Variants in CEBPG observed in about 807,000 individuals in gnomAD.
The protein encoded by CEBPG is CCAAT enhancer binding protein gamma.
In CEBPG, 6 loss-of-function variants were observed where a neutral mutation model predicts 11.1. The ratio of observed to expected loss-of-function variants is 0.54; its 90% confidence interval spans 0.30 to 1.07. The LOEUF is 1.07. Ranked by LOEUF, CEBPG falls within the 50% of genes least tolerant of loss-of-function variation. The probability of loss-of-function intolerance (pLI) is 0.07; values close to 1 mark genes in which losing one functional copy is unlikely to be tolerated. For synonymous variants in CEBPG, 66 were observed against 71.0 expected, an observed-to-expected ratio of 0.93 and a Z score of 0.36; for missense variants, 161 against 187.4, an observed-to-expected ratio of 0.86 and a Z score of 0.82.
chr19:33,375,158 G>C (rs530804605), intron 1 of CEBPG, among the ~76,000 whole-genome samples: 2 of 152,210 alleles, frequency 1.3e-5, no homozygotes, highest in African/African-American at 4.8e-5. Flanking sequence ...TTTAATACCT[G>C]CTTTTAAAAA....
chr19:33,379,803 C>T lies in CEBPG; in HGVS notation c.*111C>T. 1.0e-6 allele frequency: 1 copy of T among 972,150 alleles called. No individual in the cohort carries two copies. The highest frequency in any genetic ancestry group is 1.8e-5 in the South Asian group (1 of 55,658). The allele number at this position is 972,150 out of a possible 1,614,324, so 60.2% of individuals were successfully genotyped here. A position where few individuals can be genotyped will look rare whatever the true frequency, so the allele number is the denominator to read the frequency against. On this transcript the variant is annotated 3_prime_UTR_variant, in exon 2 of 2. Transcript: ENST00000284000. ...TGTCCATTTCCATGACTCAAAGACCCATTGGAGGCTATTTTCTGGGATCAG... is the reference window on the plus strand; with the variant it reads ...TGTCCATTTCCATGACTCAAAGACCTATTGGAGGCTATTTTCTGGGATCAG...
At chr19:33,376,559 AT>A (rs1156341495) in intron 1 of CEBPG, among the ~76,000 whole-genome samples, 3 of 152,190 alleles carry the variant, frequency 2.0e-5, no homozygotes, top group Non-Finnish European at 4.4e-5. Context: ...GAGAAGTTAC[AT>A]TTCTAAAGAG....
intron 1 of CEBPG, among the ~76,000 whole-genome samples, chr19:33,376,332 G>A (rs1445975188): frequency 2.6e-5 from 4 of 152,156 alleles, no homozygotes; most frequent in African/African-American, 9.7e-5. Context: ...AACATTCTGC[G>A]CTTTCAGTGT....
chr19:33,378,438 T>TATGTC (rs1256441345), intron 1 of CEBPG, among the ~76,000 whole-genome samples: 1 of 152,018 alleles, frequency 6.6e-6, no homozygotes, highest in African/African-American at 2.4e-5. Flanking sequence ...TTTTACTAAT[T>TATGTC]ATGTCAAGAA....
In CEBPG at chr19:33,381,843, A is replaced by G. The variant is rs192926319; in HGVS notation, c.*2151A>G. ...TGGAAAAATGGGTTCAAGCTTTCCTATTAGCCATGGAAATGCAAAGTTTAG... is the reference window on the plus strand; with the variant it reads ...TGGAAAAATGGGTTCAAGCTTTCCTGTTAGCCATGGAAATGCAAAGTTTAG... On this transcript the variant is annotated 3_prime_UTR_variant, in exon 2 of 2. Transcript: ENST00000284000. 6.0e-6 allele frequency: 1 copy of G among 167,262 alleles called. No homozygotes were observed. The highest frequency in any genetic ancestry group is 6.5e-5 in the Admixed American group (1 of 15,312). 10.4% of individuals were successfully genotyped at this position (167,262 alleles called of 1,614,324 possible).
intron 1 of CEBPG, 125 bp downstream of exon 1, chr19:33,374,020 C>T (rs959274170): frequency 4.0e-5 from 6 of 149,174 alleles, no homozygotes; most frequent in African/African-American, 1.5e-4. Flanking sequence ...CCCGCTGGCC[C>T]GGGAAGGCCA....
chr19:33,377,920 T>C (rs1005878055), intron 1 of CEBPG, among the ~76,000 whole-genome samples: 10 of 152,252 alleles, frequency 6.6e-5, no homozygotes, highest in Admixed American at 5.9e-4. Flanking sequence ...TGGTGTTTGC[T>C]AACTGAGCTT....
At position 33,381,164 on chromosome 19, in the gene CEBPG, C is replaced by T. The variant is rs1397537502; in HGVS notation, c.*1472C>T. The T allele has an allele frequency of 6.0e-6, 1 of 167,030 alleles. No homozygotes were observed. The highest frequency in any genetic ancestry group is 2.4e-5 in the African/African-American group (1 of 41,420). 10.3% of individuals were successfully genotyped at this position (167,030 alleles called of 1,614,324 possible). ...CTGGGCTGGAGATGAGAGACTGAGT[C>T]ATAACTGATTTAAAAGTTTGTGTTA... is the stretch of plus-strand genomic sequence containing the variant. On this transcript the variant is annotated 3_prime_UTR_variant, in exon 2 of 2. Coordinates refer to ENST00000284000, the MANE Select transcript of CEBPG (RefSeq NM_001806.4).
rs1219827251 is a variant in CEBPG, at chr19:33,381,087, C to G, written c.*1395C>G. On this transcript the variant is annotated 3_prime_UTR_variant, in exon 2 of 2. Transcript: ENST00000284000. Reference sequence around the variant, plus strand: ...TTCTCTCTTTTGCTTTCTTTTCTTTCTCTTTTTTTCTTAGCACAGTTCTAG... The same window carrying G: ...TTCTCTCTTTTGCTTTCTTTTCTTTGTCTTTTTTTCTTAGCACAGTTCTAG... 6.0e-6 allele frequency: 1 copy of G among 166,916 alleles called. No individual in the cohort carries two copies. Among genetic ancestry groups the G allele is most frequent in the Non-Finnish European group, 1.5e-5 (1 of 68,108 alleles). 10.3% of individuals were successfully genotyped at this position (166,916 alleles called of 1,614,324 possible).
In CEBPG at chr19:33,380,078, T is replaced by C. The variant is rs1967966628; in HGVS notation, c.*386T>C. The stretch of plus-strand genomic sequence containing the variant: ...TCTTGGTTTTAATGGATAGGCTGAA[T>C]TGGATTAAGAAAAGTTGAATGCCAC... On this transcript the variant is annotated 3_prime_UTR_variant, in exon 2 of 2. Transcript: ENST00000284000. 5.6e-6 allele frequency: 1 copy of C among 178,934 alleles called. No individual in the cohort carries two copies. The highest frequency in any genetic ancestry group is 2.4e-5 in the African/African-American group (1 of 41,840). 11.1% of individuals were successfully genotyped at this position (178,934 alleles called of 1,614,324 possible).
rs1189716851 is a variant in CEBPG at position 33,378,570 on chromosome 19, T to TA, written c.-96-567dup. Among the ~76,000 whole-genome samples, 7 of 152,154 alleles carry TA rather than the reference T, an allele frequency of 4.6e-5. No individual in the cohort carries two copies. In the East Asian group the frequency reaches 9.6e-4, roughly 21 times the overall value. On this transcript the variant is annotated intron_variant, in intron 1 of 1. Coordinates refer to ENST00000284000, the MANE Select transcript of CEBPG (RefSeq NM_001806.4). Reference sequence around the variant, plus strand: ...CTGTGGAATTATCATTTGAGGTCATTAAAAAAATAAAGCAAAAAACTACCT... The same window carrying TA: ...CTGTGGAATTATCATTTGAGGTCATTAAAAAAAATAAAGCAAAAAACTACCT...
chr19:33,373,759 G>C lies in CEBPG; in HGVS notation c.-233G>C, dbSNP rs1030322457. ...AGCCGGTGGCCGCGGCTGCGGAACG[G>C]GCGGAGGCTGCCGGTTTCGTAACCG... On this transcript the variant is annotated 5_prime_UTR_variant, in exon 1 of 2. Transcript: ENST00000284000. 73 of 151,654 alleles carry C rather than the reference G, an allele frequency of 4.8e-4. No individual in the cohort carries two copies. The highest frequency in any genetic ancestry group is 1.7e-3 in the African/African-American group (71 of 41,400). 9.4% of individuals were successfully genotyped at this position (151,654 alleles called of 1,614,324 possible).
intron 1 of CEBPG, among the ~76,000 whole-genome samples, chr19:33,378,469 A>C (rs1179213202): frequency 6.6e-6 from 1 of 152,220 alleles, no homozygotes; most frequent in Non-Finnish European, 1.5e-5. Flanking sequence ...ACTTTTTACA[A>C]GCTTGGTGGG....
intron 1 of CEBPG, among the ~76,000 whole-genome samples, chr19:33,375,493 C>T (rs952164790): frequency 3.3e-5 from 5 of 152,150 alleles, no homozygotes; most frequent in African/African-American, 9.6e-5. Context: ...CTTTCTAGCT[C>T]TATCAGTAAA....
rs1311430202 is a variant in CEBPG at position 33,382,572 on chromosome 19, A to G, written c.*2880A>G. 6.0e-6 allele frequency: 1 copy of G among 166,948 alleles called. No homozygotes were observed. Among genetic ancestry groups the G allele is most frequent in the East Asian group, 1.9e-4 (1 of 5,204 alleles). 10.3% of individuals were successfully genotyped at this position (166,948 alleles called of 1,614,324 possible). A position where few individuals can be genotyped will look rare whatever the true frequency, so the allele number is the denominator to read the frequency against. On this transcript the variant is annotated 3_prime_UTR_variant, in exon 2 of 2. Coordinates refer to ENST00000284000, the MANE Select transcript of CEBPG (RefSeq NM_001806.4). ...GATCTGCCTCTCAGGAAAAAGTACTAACTTGTTCTTTTTGTTCCTGGCTTT... is the reference window on the plus strand; with the variant it reads ...GATCTGCCTCTCAGGAAAAAGTACTGACTTGTTCTTTTTGTTCCTGGCTTT...
chr19:33,376,183 A>T (rs1342522095), intron 1 of CEBPG, among the ~76,000 whole-genome samples: 1 of 152,126 alleles, frequency 6.6e-6, no homozygotes, highest in African/African-American at 2.4e-5. Flanking sequence ...CGAGTGAAAA[A>T]TTTATTTTGG....
At chr19:33,378,391 T>G (rs1336955760) in intron 1 of CEBPG, among the ~76,000 whole-genome samples, 1 of 152,194 alleles carries the variant, frequency 6.6e-6, no homozygotes, top group African/African-American at 2.4e-5. Flanking sequence ...GGGCTTCTGT[T>G]TCTTTCCTTG....
In CEBPG at chr19:33,379,805, T is replaced by C. The variant is rs1307618152; in HGVS notation, c.*113T>C. The C allele has an allele frequency of 2.1e-6, 2 of 955,572 alleles. No individual in the cohort carries two copies. Among genetic ancestry groups the C allele is most frequent in the African/African-American group, 3.3e-5 (2 of 60,028 alleles). 59.2% of individuals were successfully genotyped at this position (955,572 alleles called of 1,614,324 possible). On this transcript the variant is annotated 3_prime_UTR_variant, in exon 2 of 2. Coordinates refer to ENST00000284000, the MANE Select transcript of CEBPG (RefSeq NM_001806.4). ...TCCATTTCCATGACTCAAAGACCCA[T>C]TGGAGGCTATTTTCTGGGATCAGCA...
Position 33,381,841 on chromosome 19 carries a change from CTATTAGCCATGGA to C in CEBPG, c.*2150_*2162del, listed in dbSNP as rs1967993113. 1 of 167,090 alleles carries C rather than the reference CTATTAGCCATGGA, an allele frequency of 6.0e-6. No homozygotes were observed. Among genetic ancestry groups the C allele is most frequent in the Non-Finnish European group, 1.5e-5 (1 of 68,132 alleles). 10.4% of individuals were successfully genotyped at this position (167,090 alleles called of 1,614,324 possible). ...TTTGGAAAAATGGGTTCAAGCTTTC[CTATTAGCCATGGA>C]AATGCAAAGTTTAGCAGAAGCAAGC... On this transcript the variant is annotated 3_prime_UTR_variant, in exon 2 of 2. Transcript: ENST00000284000.
Sources: gnomAD v4.1 joint callset for allele counts (sites outside exome capture counted in the v4.1 genomes callset) on GRCh38, gnomAD v4.1.1 for gene constraint, MANE v1.5 for transcripts, NCBI Gene and HGNC (gene_info 2026-07-23, HGNC 2026-07-21) for gene names.